Variants in NEBL observed in about 807,000 individuals in gnomAD.
NEBL encodes the protein LIM and SH3 protein 2.
A neutral mutation model predicts 140.2 loss-of-function variants in NEBL; 122 were observed. That is an observed-to-expected ratio of 0.87 (90% CI 0.75 to 1.01). NEBL has a LOEUF of 1.01. NEBL is among the 50% of genes least tolerant of loss of function. NEBL has a pLI of 0.00. For missense variants in NEBL, 1,365 were observed against 1,231.3 expected, an observed-to-expected ratio of 1.11 and a Z score of -1.62; for synonymous variants, 436 against 398.9, an observed-to-expected ratio of 1.09 and a Z score of -1.11.
chr10:20,982,397 T>G (rs1398382577), intron 3 of NEBL, among the ~76,000 whole-genome samples: 2 of 152,140 alleles, frequency 1.3e-5, no homozygotes, highest in East Asian at 1.9e-4. Flanking sequence ...GCAAGAATTC[T>G]TTTTCTAGAA....
intron 3 of NEBL, among the ~76,000 whole-genome samples, chr10:20,970,615 C>T (rs1836527995): frequency 6.6e-6 from 1 of 151,550 alleles, no homozygotes; most frequent in Non-Finnish European, 1.5e-5. Context: ...TGCCACTGCA[C>T]TCCAGCCTGG....
intron 3 of NEBL, among the ~76,000 whole-genome samples, chr10:20,996,933 C>T (rs966192073): frequency 3.9e-5 from 6 of 152,112 alleles, no homozygotes; most frequent in African/African-American, 4.8e-5. Context: ...ATCAATGCCT[C>T]GGCCATTTTG....
intron 1 of NEBL, among the ~76,000 whole-genome samples, chr10:21,271,149 A>G (rs1280823861): frequency 2.6e-5 from 4 of 152,260 alleles, no homozygotes. Context: ...TGGCATATAT[A>G]CAATGGAATA....
At chr10:21,073,992 G>A (rs1002661360) in intron 2 of NEBL, among the ~76,000 whole-genome samples, 11 of 151,540 alleles carry the variant, frequency 7.3e-5, no homozygotes, top group African/African-American at 1.5e-4. Flanking sequence ...GGAGGATGGC[G>A]TGAATCCGGG....
chr10:20,832,110 C>G (rs1344126406), intron 14 of NEBL, among the ~76,000 whole-genome samples: 1 of 152,168 alleles, frequency 6.6e-6, no homozygotes, highest in Non-Finnish European at 1.5e-5. Flanking sequence ...AATCATTATT[C>G]CCTTCACTGG....
chr10:21,274,233 C>T (rs1042504981), intron 1 of NEBL, among the ~76,000 whole-genome samples: 1 of 152,030 alleles, frequency 6.6e-6, no homozygotes, highest in African/African-American at 2.4e-5. Context: ...TACAGTGGAC[C>T]CTTAAACAAT....
At chr10:21,116,373 T>C (rs1392786299) in intron 2 of NEBL, among the ~76,000 whole-genome samples, 1 of 152,046 alleles carries the variant, frequency 6.6e-6, no homozygotes, top group Non-Finnish European at 1.5e-5. Context: ...GTAATCTGTA[T>C]CTCTCTCTTC....
chr10:21,094,065 A>C (rs963379176), intron 2 of NEBL, among the ~76,000 whole-genome samples: 2 of 152,166 alleles, frequency 1.3e-5, no homozygotes, highest in East Asian at 3.9e-4. Flanking sequence ...TAAGAGTCTA[A>C]AAAAGACCGG....
intron 3 of NEBL, among the ~76,000 whole-genome samples, chr10:21,227,385 TA>T (rs917454320): frequency 7.0e-4 from 107 of 152,362 alleles, no homozygotes; most frequent in African/African-American, 2.5e-3. Context: ...TAAGTAATGT[TA>T]AATTCTACTT....
At chr10:20,788,062 C>CA (rs1835583505) in intron 26 of NEBL, among the ~76,000 whole-genome samples, 1 of 152,090 alleles carries the variant, frequency 6.6e-6, no homozygotes, top group African/African-American at 2.4e-5. Flanking sequence ...TTATGACATT[C>CA]AAAAGGCATA....
At chr10:21,255,631 T>C (rs1472308734) in intron 1 of NEBL, among the ~76,000 whole-genome samples, 10 of 152,186 alleles carry the variant, frequency 6.6e-5, no homozygotes, top group Admixed American at 5.9e-4. Flanking sequence ...TTCACTGCAA[T>C]GCTGCATCAA....
intron 26 of NEBL, among the ~76,000 whole-genome samples, chr10:20,801,031 T>C (rs1247393125): frequency 1.3e-5 from 2 of 152,146 alleles, no homozygotes; most frequent in African/African-American, 2.4e-5. Flanking sequence ...GCCCGTGCTC[T>C]AGTTCCAGAC....
rs867046372 is a variant in NEBL at position 21,126,236 on chromosome 10, C to A, written c.164+46147G>T. 8 of 1,022,524 alleles carry A rather than the reference C, an allele frequency of 7.8e-6. No homozygotes were observed. In the Middle Eastern group the frequency reaches 8.6e-4, roughly 110 times the overall value. The allele number at this position is 1,022,524 out of a possible 1,614,324, so 63.3% of individuals were successfully genotyped here. ...CTACATTGCTGGTTATGTTTCAGAA[C>A]CAATCCATCTTCAAAATCAGGGACT... On this transcript the variant is annotated intron_variant, in intron 2 of 6. Coordinates refer to the NEBL transcript ENST00000417816.
At chr10:21,092,178 T>C (rs972497124) in intron 2 of NEBL, among the ~76,000 whole-genome samples, 5 of 152,226 alleles carry the variant, frequency 3.3e-5, no homozygotes, top group African/African-American at 7.2e-5. Flanking sequence ...ACTACTCATA[T>C]GGTCTTTCAT....
chr10:21,251,217 T>C (rs560156440), intron 2 of NEBL, among the ~76,000 whole-genome samples: 16 of 152,210 alleles, frequency 1.1e-4, no homozygotes, highest in Non-Finnish European at 2.2e-4. Flanking sequence ...TACACAGTGA[T>C]GTGGCCATTT....
intron 2 of NEBL, among the ~76,000 whole-genome samples, chr10:21,042,585 G>A (rs1030844294): frequency 1.3e-5 from 2 of 152,208 alleles, no homozygotes; most frequent in African/African-American, 4.8e-5. Context: ...AATGCCATCA[G>A]GATGTGCCTT....
chr10:21,152,226 T>C (rs1180756938), intron 2 of NEBL, among the ~76,000 whole-genome samples: 1 of 152,202 alleles, frequency 6.6e-6, no homozygotes, highest in Non-Finnish European at 1.5e-5. Context: ...TCTTTCGTGC[T>C]CATCTGTCTG....
At chr10:21,157,290 C>A (rs1471962558) in intron 2 of NEBL, among the ~76,000 whole-genome samples, 4 of 152,192 alleles carry the variant, frequency 2.6e-5, no homozygotes, top group Non-Finnish European at 5.9e-5. Flanking sequence ...AGCATTTAAG[C>A]CAGGTGCAGA....
chr10:20,874,441 T>C (rs987326388), intron 5 of NEBL, among the ~76,000 whole-genome samples: 4 of 152,306 alleles, frequency 2.6e-5, no homozygotes, highest in Admixed American at 2.6e-4. Context: ...AGAGCTTCTC[T>C]TCTTTTCTCT....
Sources: gnomAD v4.1 joint callset for allele counts (sites outside exome capture counted in the v4.1 genomes callset) on GRCh38, gnomAD v4.1.1 for gene constraint, MANE v1.5 for transcripts, NCBI Gene and HGNC (gene_info 2026-07-23, HGNC 2026-07-21) for gene names.